CHI3L2: variants seen among roughly 807,000 people sequenced by gnomAD.
CHI3L2 encodes chitinase-3-like protein 2.
CHI3L2 carries 47 observed loss-of-function variants against 47.3 expected under a neutral mutation model. The ratio of observed to expected loss-of-function variants is 0.99; its 90% CI spans 0.79 to 1.27. The LOEUF (loss-of-function observed/expected upper bound fraction) is 1.27. Ranked by LOEUF, CHI3L2 falls within the 50% of genes most tolerant of loss-of-function variation. The pLI, the probability that CHI3L2 is intolerant of heterozygous loss-of-function variation, is 0.00. For synonymous variants in CHI3L2, 198 were observed against 169.9 expected (o/e 1.17, Z -1.28); for missense variants, 497 against 462.1 (o/e 1.08, Z -0.69).
chr1:111,235,108 A>G (rs1031686123), intron 5 of CHI3L2, 51 bp downstream of exon 5: 4 of 1,584,788 alleles, frequency 2.5e-6, no homozygotes, highest in Non-Finnish European at 3.4e-6. Flanking sequence ...CGGTGTACTC[A>G]GTACTCTGAT....
At chr1:111,241,753 G>A (rs1320006185) in intron 9 of CHI3L2, among the ~76,000 whole-genome samples, 1 of 152,188 alleles carries the variant, frequency 6.6e-6, no homozygotes, top group Non-Finnish European at 1.5e-5. Context: ...GTTGGTGCCT[G>A]TATAGATAAT....
rs532955105 is a variant in CHI3L2 at position 111,243,348 on chromosome 1, C to T, written c.*134C>T. 8 of 426,584 alleles carry T rather than the reference C, an allele frequency of 1.9e-5. No homozygotes were observed. The East Asian group carries it at 4.3e-4, about 23-fold the overall frequency. 26.4% of individuals were successfully genotyped at this position (426,584 alleles called of 1,614,324 possible). Reference sequence around the variant, plus strand: ...TCTTCCAAGCCTTTCCTGACTTCCTCTTAGATCATAGATTGGACCTGGTTT... The same window carrying T: ...TCTTCCAAGCCTTTCCTGACTTCCTTTTAGATCATAGATTGGACCTGGTTT... On this transcript the variant is annotated 3_prime_UTR_variant, in exon 11 of 11. Coordinates refer to ENST00000369748, the MANE Select transcript of CHI3L2 (RefSeq NM_004000.3).
chr1:111,238,989 T>C, intron 8 of CHI3L2, 57 bp downstream of exon 8: 11 of 1,486,046 alleles, frequency 7.4e-6, no homozygotes, highest in Non-Finnish European at 9.9e-6. Context: ...AGATGTTCCA[T>C]CTTCAATTTG....
chr1:111,241,200 T>C, intron 8 of CHI3L2, 127 bp from the exon 9 acceptor site: 1 of 743,600 alleles, frequency 1.3e-6, no homozygotes, highest in South Asian at 1.4e-5. Context: ...TCTCTCATTG[T>C]CTGATCCTTG....
Position 111,242,329 on chromosome 1 carries a change from G to A in CHI3L2, c.1138G>A (p.Val380Ile), listed in dbSNP as rs372903127. 11 of 1,612,922 alleles carry A rather than the reference G, an allele frequency of 6.8e-6. No homozygotes were observed. The African/African-American group carries it at 8.0e-5, about 12-fold the overall frequency. Residue 380 changes from valine to isoleucine, a missense_variant, in exon 10 of 11, where the codon GTC becomes ATC. Physicochemically the swap from Val to Ile is conservative, Grantham distance 29. Coordinates refer to ENST00000369748, the MANE Select transcript of CHI3L2 (RefSeq NM_004000.3). The stretch of plus-strand genomic sequence containing the variant: ...CTGCAACCAGGGCCCTTACCCTCTT[G>A]TCCAAGCAGTCAAGAGAAGCCTTGG... ...KSCNQGPYPL[V>I]QAVKRSLGSL
chr1:111,237,562 G>A (rs2101553649), intron 7 of CHI3L2, among the ~76,000 whole-genome samples: 1 of 152,250 alleles, frequency 6.6e-6, no homozygotes, highest in East Asian at 1.9e-4. Flanking sequence ...CCTTCATGTG[G>A]CTAAGTCACA....
chr1:111,235,163 G>C (rs1659842376), intron 5 of CHI3L2, 106 bp downstream of exon 5: 1 of 1,176,530 alleles, frequency 8.5e-7, no homozygotes, highest in Admixed American at 2.2e-5. Flanking sequence ...GGAGGAGATT[G>C]AGTCTAACAG....
chr1:111,240,498 T>C (rs1660014379), intron 8 of CHI3L2, among the ~76,000 whole-genome samples: 2 of 152,234 alleles, frequency 1.3e-5, no homozygotes, highest in African/African-American at 4.8e-5. Context: ...GGTAGGGTTA[T>C]AATATCAACC....
At chr1:111,234,857 CA>C in intron 4 of CHI3L2, 49 bp from the exon 5 acceptor site, 1 of 1,572,948 alleles carries the variant, frequency 6.4e-7, no homozygotes. Context: ...TGTTACACTA[CA>C]AGTGTTACTT....
At chr1:111,235,829 G>A (rs1401759268) in intron 6 of CHI3L2, 66 bp downstream of exon 6, 12 of 1,591,976 alleles carry the variant, frequency 7.5e-6, no homozygotes, top group Middle Eastern at 1.7e-4. Context: ...TGATGCATCA[G>A]CATGTTTGAC....
At chr1:111,231,176 C>A in intron 3 of CHI3L2, 62 bp from the exon 4 acceptor site, 1 of 1,412,398 alleles carries the variant, frequency 7.1e-7, no homozygotes, top group Non-Finnish European at 1.0e-6. Context: ...GAACTCTGTT[C>A]TTTAGACAAA....
intron 2 of CHI3L2, 120 bp downstream of exon 2, chr1:111,230,001 A>G (rs886788271): frequency 2.7e-6 from 3 of 1,093,904 alleles, no homozygotes; most frequent in Admixed American, 2.2e-5. Context: ...CGGTTCTGCC[A>G]CTGACATATT....
chr1:111,230,728 T>G lies in CHI3L2; in HGVS notation c.71-14T>G. On this transcript the variant is annotated splice_polypyrimidine_tract_variant and intron_variant, in intron 2 of 10. Coordinates refer to ENST00000369748, the MANE Select transcript of CHI3L2 (RefSeq NM_004000.3). ...AGCCCTAGAGTCTCACTGGCTCTCT[T>G]CACTCTACTCCAGGATCTGCCTACA... The G allele has an allele frequency of 6.2e-7, 1 of 1,611,962 alleles. No individual in the cohort carries two copies. Among genetic ancestry groups the G allele is most frequent in the Non-Finnish European group, 8.5e-7 (1 of 1,178,048 alleles).
At position 111,236,064 on chromosome 1, in the gene CHI3L2, G is replaced by T; in HGVS notation, c.646G>T (p.Gly216Trp). 1 of 1,614,186 alleles carries T rather than the reference G, an allele frequency of 6.2e-7. No individual in the cohort carries two copies. The highest frequency in any genetic ancestry group is 8.5e-7 in the Non-Finnish European group (1 of 1,180,034). Reference sequence around the variant, plus strand: ...CAACCTCCTGTCCTTTGACTTCCATGGGTCTTGGGAAAAGCCCCTTATCAC... The same window carrying T: ...CAACCTCCTGTCCTTTGACTTCCATTGGTCTTGGGAAAAGCCCCTTATCAC... Reference protein sequence around the residue: ...FINLLSFDFHGSWEKPLITGH... With the variant: ...FINLLSFDFHWSWEKPLITGH... Residue 216 changes from glycine to tryptophan, a missense_variant, in exon 7 of 11, where the codon GGG becomes TGG. By Grantham distance (184) the Gly-to-Trp change is radical. Coordinates refer to ENST00000369748, the MANE Select transcript of CHI3L2 (RefSeq NM_004000.3).
At chr1:111,234,847 T>C in intron 4 of CHI3L2, 60 bp from the exon 5 acceptor site, 1 of 1,511,084 alleles carries the variant, frequency 6.6e-7, no homozygotes, top group Non-Finnish European at 9.1e-7. Flanking sequence ...GTGAAAAATG[T>C]GTTACACTAC....
chr1:111,241,249 C>A, intron 8 of CHI3L2, 78 bp from the exon 9 acceptor site: 3 of 813,438 alleles, frequency 3.7e-6, no homozygotes, highest in Non-Finnish European at 4.4e-6. Flanking sequence ...TCCCTAGTGG[C>A]TCACCTGCCC....
At chr1:111,231,741 G>T (rs949825277) in intron 4 of CHI3L2, among the ~76,000 whole-genome samples, 24 of 152,208 alleles carry the variant, frequency 1.6e-4, no homozygotes, top group Admixed American at 1.6e-3. Context: ...CAATGTCTGG[G>T]ATCATGGCTG....
rs1365700593 is a variant in CHI3L2 at position 111,236,023 on chromosome 1, G to A, written c.606-1G>A. On this transcript the variant is annotated splice_acceptor_variant, in intron 6 of 10. Transcript: ENST00000369748. LOFTEE classifies it high-confidence loss of function. ...CTCTCCCATTGCTTTTGGCACTTTA[G>A]AGATCTGGATTTCATCAACCTCCTG... 8 of 1,613,812 alleles carry A rather than the reference G, an allele frequency of 5.0e-6. No homozygotes were observed. Among genetic ancestry groups the A allele is most frequent in the Non-Finnish European group, 6.8e-6 (8 of 1,179,956 alleles).
chr1:111,230,426 A>T (rs939781694), intron 2 of CHI3L2, among the ~76,000 whole-genome samples: 4 of 151,906 alleles, frequency 2.6e-5, no homozygotes, highest in Non-Finnish European at 5.9e-5. Context: ...GCTAATTTTT[A>T]AATTTTTTGT....
Sources: allele counts gnomAD v4.1 joint callset (sites outside exome capture counted in the v4.1 genomes callset), GRCh38; gene constraint gnomAD v4.1.1; transcripts MANE v1.5; gene names NCBI Gene and HGNC (gene_info 2026-07-23, HGNC 2026-07-21).